The following ENPP2 variants were observed in gnomAD, a reference collection of about 807,000 sequenced individuals.
ENPP2 encodes the protein ectonucleotide pyrophosphatase/phosphodiesterase 2, also known as autotaxin.
Under a neutral mutation model 120.2 loss-of-function variants are expected in ENPP2, and 51 were observed. That is an observed-to-expected ratio of 0.42 (90% CI 0.34 to 0.54). The LOEUF (loss-of-function observed/expected upper bound fraction) is 0.54. ENPP2 is among the 20% of genes least tolerant of loss of function. ENPP2 has a pLI of 0.04. For missense variants in ENPP2, 920 were observed against 1,066.5 expected, an observed-to-expected ratio of 0.86 and a Z score of 1.91; for synonymous variants, 365 against 366.4, an observed-to-expected ratio of 1.00 and a Z score of 0.04.
chr8:119,589,384 AT>A (rs1172655884), intron 13 of ENPP2, among the ~76,000 whole-genome samples: 11 of 152,196 alleles, frequency 7.2e-5, no homozygotes, highest in Admixed American at 7.2e-4. Context: ...AATTTTTATC[AT>A]TGATAGTTAT....
chr8:119,641,269 G>A (rs144709725), upstream of ENPP2, among the ~76,000 whole-genome samples: 80 of 150,794 alleles, frequency 5.3e-4, no homozygotes, highest in Non-Finnish European at 8.8e-4. Flanking sequence ...CCCTACCTCG[G>A]CTATCAAATT....
At chr8:119,626,428 A>G in intron 3 of ENPP2, 137 bp downstream of exon 3, 1 of 628,380 alleles carries the variant, frequency 1.6e-6, no homozygotes, top group Non-Finnish European at 2.8e-6. Flanking sequence ...TCAAAGAACC[A>G]ATAATCATTC....
upstream of ENPP2, among the ~76,000 whole-genome samples, chr8:119,641,385 G>C (rs1416667930): frequency 6.6e-6 from 1 of 151,794 alleles, no homozygotes; most frequent in African/African-American, 2.4e-5. Flanking sequence ...AAAATGACTG[G>C]AATTAGTCCA....
intron 1 of ENPP2, among the ~76,000 whole-genome samples, chr8:119,670,853 A>G (rs1395269026): frequency 6.6e-6 from 1 of 152,252 alleles, no homozygotes; most frequent in East Asian, 1.9e-4. Flanking sequence ...GTAGTAAGAT[A>G]TAACAATGAA....
At chr8:119,569,905 C>G (rs1162423456) in intron 20 of ENPP2, among the ~76,000 whole-genome samples, 3 of 152,074 alleles carry the variant, frequency 2.0e-5, no homozygotes. Flanking sequence ...ATAACATTTT[C>G]TAATTTGTGA....
At position 119,660,009 on chromosome 8, in the gene ENPP2, A is replaced by C. The variant is rs1227433774; in HGVS notation, c.21+13243T>G. ...GGCAACCCTGGCTGGCCAAGGGACT[A>C]AGAAATGTGGACAGGCCAAAGTATA... On this transcript the variant is annotated intron_variant, in intron 1 of 25. Transcript: ENST00000427067. 6.6e-5 allele frequency among the ~76,000 whole-genome samples: 10 copies of C among 152,324 alleles called. No individual in the cohort carries two copies. The South Asian group carries it at 2.1e-3, about 32-fold the overall frequency.
intron 12 of ENPP2, among the ~76,000 whole-genome samples, chr8:119,592,126 GAC>G (rs1463303881): frequency 6.6e-6 from 1 of 152,150 alleles, no homozygotes; most frequent in Non-Finnish European, 1.5e-5. Flanking sequence ...GCTGTTAAAT[GAC>G]ACAGTGCAAT....
chr8:119,574,012 A>G (rs180754331), intron 19 of ENPP2, among the ~76,000 whole-genome samples: 13 of 152,304 alleles, frequency 8.5e-5, no homozygotes, highest in Admixed American at 6.5e-4. Context: ...AAGGTCCCCA[A>G]TGACCCAAAA....
chr8:119,625,336 A>G (rs974978428), intron 3 of ENPP2, among the ~76,000 whole-genome samples: 1 of 152,236 alleles, frequency 6.6e-6, no homozygotes, highest in African/African-American at 2.4e-5. Context: ...GCAACCCCCA[A>G]AAAAGTGGTT....
chr8:119,670,333 C>T (rs1293153583), intron 1 of ENPP2, among the ~76,000 whole-genome samples: 1 of 152,226 alleles, frequency 6.6e-6, no homozygotes, highest in East Asian at 1.9e-4. Flanking sequence ...CCCTGATAAT[C>T]ATGCTTAACC....
intron 4 of ENPP2, 46 bp from the exon 5 acceptor site, chr8:119,619,350 T>C (rs200710141): frequency 1.6e-6 from 2 of 1,284,532 alleles, no homozygotes; most frequent in African/African-American, 2.9e-5. Context: ...TAATTACAAA[T>C]GCCATGCCTT....
At chr8:119,633,023 C>G (rs1816777370) in intron 2 of ENPP2, among the ~76,000 whole-genome samples, 1 of 152,208 alleles carries the variant, frequency 6.6e-6, no homozygotes, top group Non-Finnish European at 1.5e-5. Context: ...CCATTGCACT[C>G]CAGCCTGGGC....
chr8:119,622,038 C>T (rs957486554), intron 3 of ENPP2, among the ~76,000 whole-genome samples: 1 of 152,186 alleles, frequency 6.6e-6, no homozygotes, highest in African/African-American at 2.4e-5. Context: ...AAGCGATTAT[C>T]CCGCCTCAGC....
chr8:119,590,006 G>A (rs1813388292), intron 13 of ENPP2, among the ~76,000 whole-genome samples: 1 of 151,952 alleles, frequency 6.6e-6, no homozygotes, highest in African/African-American at 2.4e-5. Flanking sequence ...TTCCTACTAG[G>A]TTCTACCAAT....
chr8:119,642,224 C>T (rs117586565), upstream of ENPP2, among the ~76,000 whole-genome samples: 220 of 152,238 alleles, frequency 1.4e-3, 4 homozygotes, highest in East Asian at 0.038. Flanking sequence ...CTCACCACTT[C>T]TTTCTTCTGC....
chr8:119,649,625 C>A lies in ENPP2; in HGVS notation c.22-11098G>T, dbSNP rs1001849192. 3.3e-5 allele frequency among the ~76,000 whole-genome samples: 5 copies of A among 152,018 alleles called. No homozygotes were observed. The South Asian group carries it at 8.3e-4, about 25-fold the overall frequency. ...GGCAAGAAAGTGAAACGATGACCTA[C>A]GGGTTGGAAGAAAATATTTACAAAT... is the stretch of plus-strand genomic sequence containing the variant. On this transcript the variant is annotated intron_variant, in intron 1 of 25. Coordinates refer to the ENPP2 transcript ENST00000427067.
chr8:119,652,644 T>C (rs997702345), intron 1 of ENPP2, among the ~76,000 whole-genome samples: 2 of 152,198 alleles, frequency 1.3e-5, no homozygotes, highest in African/African-American at 4.8e-5. Context: ...CAGTATCTAT[T>C]CTCCAGCTTC....
At chr8:119,634,229 T>TACAC (rs1211514879) in intron 2 of ENPP2, among the ~76,000 whole-genome samples, 3 of 145,048 alleles carry the variant, frequency 2.1e-5, no homozygotes, top group African/African-American at 7.8e-5. Flanking sequence ...CATACATACA[T>TACAC]ACACACAATG....
At chr8:119,573,394 G>A (rs1466380917) in intron 19 of ENPP2, among the ~76,000 whole-genome samples, 10 of 124,440 alleles carry the variant, frequency 8.0e-5, no homozygotes, top group Admixed American at 6.4e-4. Context: ...GTGACAGAGC[G>A]AGGCTCCGTC....
Sources: gnomAD v4.1 joint callset for allele counts (sites outside exome capture counted in the v4.1 genomes callset) on GRCh38, gnomAD v4.1.1 for gene constraint, MANE v1.5 for transcripts, NCBI Gene and HGNC (gene_info 2026-07-23, HGNC 2026-07-21) for gene names.